Variants in KATNIP observed in about 807,000 individuals in gnomAD.
KATNIP encodes the protein katanin-interacting protein.
In KATNIP, 126 loss-of-function variants were observed where a neutral mutation model predicts 174.0. The ratio of observed to expected loss-of-function variants is 0.72; its 90% CI spans 0.63 to 0.84. KATNIP has a LOEUF of 0.84. Among genes scored for constraint, KATNIP ranks in the 40% least tolerant of loss-of-function variants. The pLI is 0.00. For missense variants in KATNIP, 1,958 were observed against 2,109.7 expected (o/e 0.93, Z 1.41); for synonymous variants, 810 against 835.7 (o/e 0.97, Z 0.53).
At chr16:27,690,303 G>A (rs925924405) in intron 8 of KATNIP, among the ~76,000 whole-genome samples, 1 of 140,668 alleles carries the variant, frequency 7.1e-6, no homozygotes, top group African/African-American at 2.6e-5. Context: ...GTGACAGAGT[G>A]AGACCCCATC....
At chr16:27,642,029 T>A (rs1374558074) in intron 5 of KATNIP, among the ~76,000 whole-genome samples, 1 of 152,162 alleles carries the variant, frequency 6.6e-6, no homozygotes, top group East Asian at 1.9e-4. Context: ...TGGATGTAAA[T>A]TGAGTAGTTT....
At chr16:27,648,824 T>TTA in intron 6 of KATNIP, 89 bp downstream of exon 6, 1 of 1,392,754 alleles carries the variant, frequency 7.2e-7, no homozygotes. Context: ...TTTCTGACAG[T>TTA]TATTTATTCT....
intron 2 of KATNIP, among the ~76,000 whole-genome samples, chr16:27,591,613 C>A (rs575040026): frequency 1.3e-5 from 2 of 152,294 alleles, no homozygotes; most frequent in African/African-American, 4.8e-5. Flanking sequence ...TAATACTTAT[C>A]TCCTAGGGTT....
chr16:27,704,911 T>TC (rs1407846113), intron 12 of KATNIP, among the ~76,000 whole-genome samples: 2 of 141,694 alleles, frequency 1.4e-5, no homozygotes, highest in African/African-American at 5.8e-5. Context: ...TTTTTCTTTT[T>TC]TTTTTTTTTT....
At chr16:27,691,508 G>T (rs763948584) in intron 8 of KATNIP, among the ~76,000 whole-genome samples, 1 of 152,186 alleles carries the variant, frequency 6.6e-6, no homozygotes, top group Non-Finnish European at 1.5e-5. Flanking sequence ...GCTAGCATTC[G>T]CCCAAGTGAG....
intron 7 of KATNIP, among the ~76,000 whole-genome samples, chr16:27,680,536 G>T (rs1597153566): frequency 6.6e-6 from 1 of 152,172 alleles, no homozygotes; most frequent in South Asian, 2.1e-4. Flanking sequence ...TGTTTTGTTG[G>T]TTTTTTCTGA....
At chr16:27,648,542 G>T in intron 5 of KATNIP, 62 bp from the exon 6 acceptor site, 1 of 1,596,900 alleles carries the variant, frequency 6.3e-7, no homozygotes, top group South Asian at 1.1e-5. Flanking sequence ...GCCAGTCCCT[G>T]CCCCGCAGAG....
At chr16:27,745,609 G>A (rs748357110) in intron 15 of KATNIP, among the ~76,000 whole-genome samples, 3 of 152,190 alleles carry the variant, frequency 2.0e-5, no homozygotes, top group South Asian at 2.1e-4. Flanking sequence ...GTACTTCATC[G>A]TTTCCTGTTT....
intron 2 of KATNIP, among the ~76,000 whole-genome samples, chr16:27,603,861 C>T (rs576876748): frequency 1.3e-5 from 2 of 152,040 alleles, no homozygotes; most frequent in African/African-American, 4.8e-5. Context: ...CTCAGCCTCC[C>T]GAGTAGCTGG....
intron 21 of KATNIP, 68 bp from the exon 22 acceptor site, chr16:27,771,520 G>A (rs371519957): frequency 6.8e-7 from 1 of 1,466,972 alleles, no homozygotes. Context: ...CTGTTACCTA[G>A]GGGGTAACTG....
chr16:27,691,257 A>G (rs2142909904), intron 8 of KATNIP, among the ~76,000 whole-genome samples: 1 of 152,344 alleles, frequency 6.6e-6, no homozygotes, highest in East Asian at 1.9e-4. Flanking sequence ...CATTCATGGT[A>G]AATTTCCTGA....
At chr16:27,646,592 G>T (rs1034313095) in intron 5 of KATNIP, among the ~76,000 whole-genome samples, 9 of 152,152 alleles carry the variant, frequency 5.9e-5, no homozygotes, top group Admixed American at 2.6e-4. Context: ...GCAGATCCTC[G>T]CAGCCCCAGA....
At chr16:27,645,749 G>T (rs1025949130) in intron 5 of KATNIP, among the ~76,000 whole-genome samples, 5 of 152,200 alleles carry the variant, frequency 3.3e-5, no homozygotes, top group Non-Finnish European at 1.5e-5. Flanking sequence ...CGGTCAGGAA[G>T]AAGGGTAGAA....
chr16:27,725,552 G>A (rs1238818453), intron 14 of KATNIP, among the ~76,000 whole-genome samples: 1 of 152,186 alleles, frequency 6.6e-6, no homozygotes, highest in African/African-American at 2.4e-5. Context: ...AAGAGACAAA[G>A]CCGGGAAGGG....
chr16:27,645,548 T>C (rs1223260849), intron 5 of KATNIP, among the ~76,000 whole-genome samples: 1 of 152,238 alleles, frequency 6.6e-6, no homozygotes, highest in Admixed American at 6.5e-5. Flanking sequence ...ACTAGATTGC[T>C]GCATCTTAGA....
chr16:27,758,626 C>T lies in KATNIP; in HGVS notation c.3632-2787C>T, dbSNP rs576629175. Among the ~76,000 whole-genome samples, 3 of 152,320 alleles carry T rather than the reference C, an allele frequency of 2.0e-5. No individual in the cohort carries two copies. In the South Asian group the frequency reaches 6.2e-4, roughly 32 times the overall value. ...TGATTTCATTTTCTTCTACTCTCTC[C>T]CTTGGCCGCTTGGTTCCACCTATGG... is the stretch of plus-strand genomic sequence containing the variant. On this transcript the variant is annotated intron_variant, in intron 18 of 27. Coordinates refer to ENST00000261588, the MANE Select transcript of KATNIP (RefSeq NM_015202.5).
intron 5 of KATNIP, among the ~76,000 whole-genome samples, chr16:27,642,135 C>T (rs2076819639): frequency 1.3e-5 from 2 of 152,146 alleles, no homozygotes; most frequent in South Asian, 4.1e-4. Context: ...CACAGATGTC[C>T]AACAATGATA....
At chr16:27,684,313 A>T (rs568735700) in intron 8 of KATNIP, among the ~76,000 whole-genome samples, 153 of 152,358 alleles carry the variant, frequency 1.0e-3, no homozygotes, top group African/African-American at 3.5e-3. Flanking sequence ...CCTGGGCTGC[A>T]GAATCTCTGC....
chr16:27,682,720 A>C (rs1238981586), intron 8 of KATNIP, among the ~76,000 whole-genome samples: 1 of 152,112 alleles, frequency 6.6e-6, no homozygotes, highest in Admixed American at 6.6e-5. Context: ...CATGGTTTGA[A>C]TATTTGCCCC....
Sources: allele counts gnomAD v4.1 joint callset (sites outside exome capture counted in the v4.1 genomes callset), GRCh38; gene constraint gnomAD v4.1.1; transcripts MANE v1.5; gene names NCBI Gene and HGNC (gene_info 2026-07-23, HGNC 2026-07-21).